The following SPINK2 variants were observed in gnomAD, a reference collection of about 807,000 sequenced individuals.
SPINK2 encodes serine peptidase inhibitor Kazal type 2.
A neutral mutation model predicts 13.5 loss-of-function variants in SPINK2; 8 were observed. The ratio of observed to expected loss-of-function variants is 0.59; its 90% CI spans 0.35 to 1.07. The LOEUF (loss-of-function observed/expected upper bound fraction) is 1.07. SPINK2 is among the 50% of genes least tolerant of loss of function. SPINK2 has a pLI of 0.02. For synonymous variants in SPINK2, 76 were observed against 74.7 expected, an observed-to-expected ratio of 1.02 and a Z score of -0.09; for missense variants, 148 against 180.3, an observed-to-expected ratio of 0.82 and a Z score of 1.03.
In SPINK2 at chr4:56,810,201, C is replaced by T; in HGVS notation, c.360-17G>A. 1 of 1,594,886 alleles carries T rather than the reference C, an allele frequency of 6.3e-7. No individual in the cohort carries two copies. Among genetic ancestry groups the T allele is most frequent in the Non-Finnish European group, 8.6e-7 (1 of 1,166,574 alleles). On this transcript the variant is annotated splice_polypyrimidine_tract_variant and intron_variant, in intron 3 of 3. Transcript: ENST00000506738. Reference sequence around the variant, plus strand: ...CCACCTTCCCTGCAAATTGAACAATCATAGAAATACATTTATTACCTACCA... The same window carrying T: ...CCACCTTCCCTGCAAATTGAACAATTATAGAAATACATTTATTACCTACCA...
In SPINK2 at chr4:56,820,517, G is replaced by A. The variant is rs775849010; in HGVS notation, c.249+19C>T. 1 of 1,599,592 alleles carries A rather than the reference G, an allele frequency of 6.3e-7. No homozygotes were observed. Among genetic ancestry groups the A allele is most frequent in the Non-Finnish European group, 8.6e-7 (1 of 1,167,572 alleles). The stretch of plus-strand genomic sequence containing the variant: ...CTTCACTGTATTAGTAGAAACAGTA[G>A]AAGTGGTTTGCTACTTACCGTTCTA... On this transcript the variant is annotated intron_variant, in intron 2 of 3. Coordinates refer to ENST00000506738, the MANE Select transcript of SPINK2 (RefSeq NM_001271718.2).
In SPINK2 at chr4:56,821,635, G is replaced by C. The variant is rs1330610315; in HGVS notation, c.28C>G (p.Leu10Val). ...GCGAAGGTAACTGCCAGGAGCAGCA[G>C]CGCCAAGCGCAGCACCGACAGCGCC... is the stretch of plus-strand genomic sequence containing the variant. Reference protein sequence around the residue: MALSVLRLALLLLAVTFAGS... With the variant: MALSVLRLAVLLLAVTFAGS... Residue 10 changes from leucine (L) to valine (V), a missense_variant, in exon 1 of 4, where the codon CTG becomes GTG. By Grantham distance (32) the Leu-to-Val change is conservative. Transcript: ENST00000506738. 12 of 1,547,578 alleles carry C rather than the reference G, an allele frequency of 7.8e-6. No homozygotes were observed. Among genetic ancestry groups the C allele is most frequent in the Non-Finnish European group, 1.0e-5 (12 of 1,147,346 alleles).
intron 3 of SPINK2, among the ~76,000 whole-genome samples, chr4:56,811,156 C>A (rs1716943072): frequency 6.6e-6 from 1 of 152,094 alleles, no homozygotes; most frequent in Non-Finnish European, 1.5e-5. Flanking sequence ...GATTACCTGG[C>A]CTATAGTTGA....
chr4:56,816,279 T>C (rs886217262), intron 2 of SPINK2, among the ~76,000 whole-genome samples: 2 of 152,220 alleles, frequency 1.3e-5, no homozygotes, highest in African/African-American at 2.4e-5. Flanking sequence ...GGGCCAGGCA[T>C]GGTGGCTCAC....
At position 56,809,939 on chromosome 4, in the gene SPINK2, A is replaced by G; in HGVS notation, c.*200T>C. On this transcript the variant is annotated 3_prime_UTR_variant, in exon 4 of 4. Transcript: ENST00000506738. The stretch of plus-strand genomic sequence containing the variant: ...GGGCAGTAAGCTTAACTCCAGGAGC[A>G]AAAGCCAAGAAACAAGGATTCTTTT... 7.0e-7 allele frequency: 1 copy of G among 1,428,720 alleles called. No individual in the cohort carries two copies. Among genetic ancestry groups the G allele is most frequent in the Non-Finnish European group, 9.2e-7 (1 of 1,088,534 alleles). The allele number at this position is 1,428,720 out of a possible 1,614,324, so 88.5% of individuals were successfully genotyped here.
intron 2 of SPINK2, among the ~76,000 whole-genome samples, chr4:56,817,243 G>C (rs541739479): frequency 3.4e-4 from 51 of 152,190 alleles, no homozygotes; most frequent in South Asian, 1.2e-3. Context: ...TATTTACAAA[G>C]TGTAAGACAT....
chr4:56,819,387 C>T (rs1440905574), intron 2 of SPINK2, among the ~76,000 whole-genome samples: 1 of 152,108 alleles, frequency 6.6e-6, no homozygotes, highest in Admixed American at 6.6e-5. Context: ...AATTGAGAGA[C>T]CAAATATACA....
chr4:56,813,446 G>GGCCTGTTAGGAACTGGGCC (rs1284494210), intron 2 of SPINK2, among the ~76,000 whole-genome samples: 1 of 152,096 alleles, frequency 6.6e-6, no homozygotes, highest in Non-Finnish European at 1.5e-5. Context: ...ACTAGTCCAT[G>GGCCTGTTAGGAACTGGGCC]GCCTGTTAGG....
chr4:56,818,941 C>T (rs145804961), intron 2 of SPINK2, among the ~76,000 whole-genome samples: 1 of 151,632 alleles, frequency 6.6e-6, no homozygotes, highest in Non-Finnish European at 1.5e-5. Flanking sequence ...TCCTGGAGGA[C>T]GTAGGCAAAC....
At chr4:56,821,270 TCTC>T (rs569258230) in intron 1 of SPINK2, 185 bp downstream of exon 1, 37 of 981,678 alleles carry the variant, frequency 3.8e-5, no homozygotes, top group Non-Finnish European at 2.2e-5. Flanking sequence ...TTCCTGCACA[TCTC>T]CTCCCTTGGG....
Position 56,814,730 on chromosome 4 carries a change from G to A in SPINK2, c.250-2936C>T, listed in dbSNP as rs192953154. On this transcript the variant is annotated intron_variant, in intron 2 of 3. Coordinates refer to ENST00000506738, the MANE Select transcript of SPINK2 (RefSeq NM_001271718.2). ...TAATCCCAGCACTTTGGGAGGCCGA[G>A]GCAGGTGGATCACGAGGTCAGGAAA... Among the ~76,000 whole-genome samples, 392 of 152,084 alleles carry A rather than the reference G, an allele frequency of 2.6e-3. 1 individual carries two copies. The highest frequency in any genetic ancestry group is 9.1e-3 in the African/African-American group (376 of 41,516).
chr4:56,817,770 C>T (rs1376611103), intron 2 of SPINK2, among the ~76,000 whole-genome samples: 2 of 151,834 alleles, frequency 1.3e-5, no homozygotes, highest in African/African-American at 4.8e-5. Flanking sequence ...AGGAGAATCG[C>T]TTGAACTCAG....
chr4:56,814,473 T>C (rs1406600929), intron 2 of SPINK2, among the ~76,000 whole-genome samples: 7 of 151,854 alleles, frequency 4.6e-5, no homozygotes, highest in Admixed American at 4.6e-4. Context: ...ATAAGAAGCT[T>C]AGGGTCGAAT....
intron 2 of SPINK2, among the ~76,000 whole-genome samples, chr4:56,817,769 G>A (rs1717577530): frequency 1.3e-5 from 2 of 151,866 alleles, no homozygotes; most frequent in East Asian, 1.9e-4. Flanking sequence ...CAGGAGAATC[G>A]CTTGAACTCA....
At chr4:56,811,356 C>G (rs917232379) in intron 3 of SPINK2, among the ~76,000 whole-genome samples, 1 of 152,110 alleles carries the variant, frequency 6.6e-6, no homozygotes, top group Non-Finnish European at 1.5e-5. Context: ...CGGTGGCTCA[C>G]GCCTGTAATC....
intron 2 of SPINK2, among the ~76,000 whole-genome samples, chr4:56,814,960 CA>C (rs5858398): frequency 0.66 from 67,208 of 102,196 alleles, 19,422 homozygotes; most frequent in African/African-American, 0.75. Flanking sequence ...GACTCCGTCT[CA>C]AAAAAAAAAA....
At chr4:56,816,022 G>A (rs921928429) in intron 2 of SPINK2, among the ~76,000 whole-genome samples, 1 of 152,016 alleles carries the variant, frequency 6.6e-6, no homozygotes, top group East Asian at 1.9e-4. Context: ...AGGATCACTG[G>A]AGCCCAGGAG....
intron 1 of SPINK2, chr4:56,821,192 C>G (rs1383901581): frequency 7.6e-6 from 4 of 524,380 alleles, no homozygotes; most frequent in South Asian, 1.7e-4. Context: ...ATTTTAACTC[C>G]ATTTTAAGAG....
At chr4:56,810,439 A>G in intron 3 of SPINK2, 1 of 440,346 alleles carries the variant, frequency 2.3e-6, no homozygotes, top group Non-Finnish European at 4.0e-6. Context: ...ATGGTGGCTC[A>G]TGCCTGTAAT....
Sources: gnomAD v4.1 joint callset for allele counts (sites outside exome capture counted in the v4.1 genomes callset) on GRCh38, gnomAD v4.1.1 for gene constraint, MANE v1.5 for transcripts, NCBI Gene and HGNC (gene_info 2026-07-23, HGNC 2026-07-21) for gene names.